Variants in GRIK1 observed in about 807,000 individuals in gnomAD.
GRIK1 encodes the protein glutamate receptor ionotropic, kainate 1.
GRIK1 carries 69 observed loss-of-function variants against 105.7 expected under a neutral mutation model. The observed-to-expected ratio is 0.65, with a 90% CI of 0.54 to 0.80. The LOEUF (loss-of-function observed/expected upper bound fraction) is 0.80, where lower values mean the gene tolerates loss of function less well. GRIK1 is among the 30% of genes least tolerant of loss of function. The pLI is 0.00. For missense variants in GRIK1, 1,109 were observed against 1,167.3 expected, an observed-to-expected ratio of 0.95 and a Z score of 0.73; for synonymous variants, 438 against 431.3, an observed-to-expected ratio of 1.02 and a Z score of -0.19.
At chr21:29,913,206 A>C (rs1443343309) in intron 1 of GRIK1, among the ~76,000 whole-genome samples, 1 of 152,044 alleles carries the variant, frequency 6.6e-6, no homozygotes, top group Non-Finnish European at 1.5e-5. Context: ...TCTGCCACTA[A>C]CTAGCTGTAT....
intron 1 of GRIK1, among the ~76,000 whole-genome samples, chr21:29,905,265 C>G (rs1195145546): frequency 6.6e-6 from 1 of 152,108 alleles, no homozygotes; most frequent in East Asian, 1.9e-4. Context: ...CAGAGCACTC[C>G]CCTTTGTGTA....
chr21:29,799,130 A>G (rs942085350), intron 1 of GRIK1, among the ~76,000 whole-genome samples: 20 of 152,284 alleles, frequency 1.3e-4, no homozygotes, highest in African/African-American at 4.8e-4. Context: ...CCTTTTCCTC[A>G]TATCAGTTAC....
chr21:29,641,385 CCATGTAGA>C (rs2146521803), intron 7 of GRIK1, among the ~76,000 whole-genome samples: 2 of 151,964 alleles, frequency 1.3e-5, no homozygotes, highest in South Asian at 4.1e-4. Flanking sequence ...TTGCCTGCCA[CCATGTAGA>C]CATGCCTTTC....
Position 29,591,000 on chromosome 21 carries a change from A to G in GRIK1, c.1365+112T>C, listed in dbSNP as rs1025485368. On this transcript the variant is annotated intron_variant, in intron 10 of 17. Coordinates refer to ENST00000327783, the MANE Select transcript of GRIK1 (RefSeq NM_001330994.2). ...ACAGGCTTTTAGTGTCCTAGTTAAA[A>G]ATAGACATTTGCAGACAGAAGCGTT... 18 of 743,988 alleles carry G rather than the reference A, an allele frequency of 2.4e-5. No individual in the cohort carries two copies. The Middle Eastern group carries it at 1.7e-3, about 69-fold the overall frequency. 46.1% of individuals were successfully genotyped at this position (743,988 alleles called of 1,614,324 possible). A position where few individuals can be genotyped will look rare whatever the true frequency, so the allele number is the denominator to read the frequency against.
chr21:29,582,447 AGTGT>A (rs2091043288), intron 12 of GRIK1: 4 of 307,458 alleles, frequency 1.3e-5, no homozygotes, highest in African/African-American at 2.2e-5. Flanking sequence ...CTAGTATAGT[AGTGT>A]GGGAAGTCGA....
chr21:29,651,829 A>G (rs1427032136), intron 5 of GRIK1, among the ~76,000 whole-genome samples: 2 of 151,934 alleles, frequency 1.3e-5, no homozygotes, highest in African/African-American at 2.4e-5. Flanking sequence ...AGGTCTCAGA[A>G]CATATACCCA....
intron 1 of GRIK1, among the ~76,000 whole-genome samples, chr21:29,776,843 A>G (rs574991539): frequency 1.3e-5 from 2 of 152,312 alleles, no homozygotes; most frequent in Non-Finnish European, 2.9e-5. Context: ...TTTTCAATAC[A>G]TTTTAATTGA....
chr21:29,759,568 C>G (rs1201755775), intron 1 of GRIK1, among the ~76,000 whole-genome samples: 6 of 152,192 alleles, frequency 3.9e-5, no homozygotes, highest in African/African-American at 1.4e-4. Flanking sequence ...ATTATACTAT[C>G]AGCAGATAAA....
At chr21:29,782,455 C>A (rs76867891) in intron 1 of GRIK1, among the ~76,000 whole-genome samples, 1 of 152,056 alleles carries the variant, frequency 6.6e-6, no homozygotes, top group African/African-American at 2.4e-5. Flanking sequence ...TAACTAAGTG[C>A]GCCAAACACT....
intron 1 of GRIK1, among the ~76,000 whole-genome samples, chr21:29,824,708 AGAG>A (rs80145984): frequency 0.085 from 12,896 of 151,994 alleles, 1,114 homozygotes; most frequent in African/African-American, 0.23. Context: ...ACGTGAATTC[AGAG>A]GACGAGAATC....
At chr21:29,820,720 A>G (rs186338522) in intron 1 of GRIK1, among the ~76,000 whole-genome samples, 69 of 152,146 alleles carry the variant, frequency 4.5e-4, no homozygotes, top group Non-Finnish European at 9.1e-4. Flanking sequence ...AAAAGGGGAG[A>G]ATAATAATAG....
intron 14 of GRIK1, among the ~76,000 whole-genome samples, chr21:29,566,323 T>C (rs1429264361): frequency 2.0e-5 from 3 of 152,220 alleles, no homozygotes; most frequent in Non-Finnish European, 4.4e-5. Context: ...TCTTCTGAGC[T>C]TCTTAGCAAA....
intron 1 of GRIK1, among the ~76,000 whole-genome samples, chr21:29,892,592 A>C (rs1413909126): frequency 6.6e-6 from 1 of 152,126 alleles, no homozygotes; most frequent in African/African-American, 2.4e-5. Context: ...AGCCGTACCC[A>C]CCCCATATCA....
At position 29,664,187 on chromosome 21, in the gene GRIK1, G is replaced by A. The variant is rs200721510; in HGVS notation, c.726+8796C>T. 3.2e-4 allele frequency among the ~76,000 whole-genome samples: 48 copies of A among 152,304 alleles called. 1 individual carries two copies. In the East Asian group the frequency reaches 9.3e-3, roughly 29 times the overall value. On this transcript the variant is annotated intron_variant, in intron 4 of 17. Coordinates refer to ENST00000327783, the MANE Select transcript of GRIK1 (RefSeq NM_001330994.2). ...GCATGGAAATGTAATTACATTAGGT[G>A]AGATCTCAGGGAGACTTGGTATGTT...
chr21:29,792,635 A>G (rs180985279), intron 1 of GRIK1, among the ~76,000 whole-genome samples: 6 of 152,318 alleles, frequency 3.9e-5, no homozygotes. Flanking sequence ...AATGTCCACT[A>G]TGGTTAATTA....
chr21:29,817,949 A>G (rs2067197822), intron 1 of GRIK1, among the ~76,000 whole-genome samples: 1 of 152,118 alleles, frequency 6.6e-6, no homozygotes, highest in South Asian at 2.1e-4. Context: ...CCTATGGGTT[A>G]GGCACGATTA....
chr21:29,818,719 A>T (rs1342192611), intron 1 of GRIK1, among the ~76,000 whole-genome samples: 2 of 152,100 alleles, frequency 1.3e-5, no homozygotes, highest in Admixed American at 1.3e-4. Flanking sequence ...ACACACAAGG[A>T]TTCTGACAGA....
chr21:29,566,215 C>T (rs1397570797), intron 14 of GRIK1, among the ~76,000 whole-genome samples: 2 of 152,108 alleles, frequency 1.3e-5, no homozygotes, highest in Non-Finnish European at 2.9e-5. Context: ...CAACCAGTCT[C>T]CTAAATCACT....
chr21:29,807,967 G>A (rs1268295018), intron 1 of GRIK1, among the ~76,000 whole-genome samples: 1 of 152,058 alleles, frequency 6.6e-6, no homozygotes, highest in Non-Finnish European at 1.5e-5. Flanking sequence ...TTGGTGAAGT[G>A]CAGGGTAACT....
Sources: allele counts gnomAD v4.1 joint callset (sites outside exome capture counted in the v4.1 genomes callset), GRCh38; gene constraint gnomAD v4.1.1; transcripts MANE v1.5; gene names NCBI Gene and HGNC (gene_info 2026-07-23, HGNC 2026-07-21).